MCM10: variants seen among roughly 807,000 people sequenced by gnomAD.
MCM10 encodes the protein protein MCM10 homolog.
MCM10 carries 91 observed loss-of-function variants against 109.9 expected under a neutral mutation model. That is an observed-to-expected ratio of 0.83 (90% CI 0.70 to 0.99). The LOEUF (loss-of-function observed/expected upper bound fraction) is 0.99. Ranked by LOEUF, MCM10 falls within the 50% of genes least tolerant of loss-of-function variation. The pLI is 0.00. For synonymous variants in MCM10, 380 were observed against 387.2 expected (o/e 0.98, Z 0.22); for missense variants, 1,077 against 1,061.2 (o/e 1.01, Z -0.21).
chr10:13,163,177 A>G (rs1050654441), intron 1 of MCM10, among the ~76,000 whole-genome samples: 1 of 152,048 alleles, frequency 6.6e-6, no homozygotes, highest in Non-Finnish European at 1.5e-5. Context: ...TGTCTCTACA[A>G]AAAACACAAA....
chr10:13,186,485 A>G (rs1310155456), intron 9 of MCM10, among the ~76,000 whole-genome samples: 1 of 152,204 alleles, frequency 6.6e-6, no homozygotes, highest in Admixed American at 6.5e-5. Flanking sequence ...TTAACCTCTT[A>G]GGAAAGTGAT....
rs1461502142 is a variant in MCM10, at chr10:13,172,727, C to T, written c.554C>T (p.Thr185Ile). 1 of 1,614,128 alleles carries T rather than the reference C, an allele frequency of 6.2e-7. No individual in the cohort carries two copies. Residue 185 changes from threonine (T) to isoleucine (I), a missense_variant, in exon 5 of 20, where the codon ACC becomes ATC. Thr to Ile is a moderately conservative substitution (Grantham distance 89). Coordinates refer to ENST00000378714, the MANE Select transcript of MCM10 (RefSeq NM_018518.5). The surrounding 1 kb of genome is among the most constrained non-coding windows in gnomAD (Gnocchi z 5.2). ...CTTGATGTCCCTGCGCTACCAAGAA[C>T]CAAGAGGGTGGCTCGAACACCAAAG... ...AELDVPALPR[T>I]KRVARTPKAS...
At chr10:13,180,381 AAGGTGCC>A in intron 6 of MCM10, 54 bp from the exon 7 acceptor site, 1 of 1,474,622 alleles carries the variant, frequency 6.8e-7, no homozygotes, top group Admixed American at 2.2e-5. Flanking sequence ...ACCACCTGCT[AAGGTGCC>A]AGGTAATTTC....
chr10:13,176,362 A>G (rs1372126891), intron 6 of MCM10, among the ~76,000 whole-genome samples: 1 of 152,182 alleles, frequency 6.6e-6, no homozygotes, highest in Admixed American at 6.5e-5. Flanking sequence ...TTAATTATCT[A>G]TACTCTGTAT....
rs530430500 is a variant in MCM10 at position 13,201,419 on chromosome 10, A to C, written c.2239-2A>C. ...GTCTTTCATTATGCCCTGTCATTCCAGGCCGAGGCTGAGATGCAGGAGCGC... is the reference window on the plus strand; with the variant it reads ...GTCTTTCATTATGCCCTGTCATTCCCGGCCGAGGCTGAGATGCAGGAGCGC... On this transcript the variant is annotated splice_acceptor_variant, in intron 16 of 19. Transcript: ENST00000378714. LOFTEE classifies it high-confidence loss of function. 5 of 1,605,820 alleles carry C rather than the reference A, an allele frequency of 3.1e-6. No homozygotes were observed. The East Asian group carries it at 1.1e-4, about 36-fold the overall frequency.
At chr10:13,189,867 C>T (rs555312655) in intron 10 of MCM10, among the ~76,000 whole-genome samples, 9 of 152,232 alleles carry the variant, frequency 5.9e-5, no homozygotes, top group Admixed American at 5.2e-4. Context: ...CAGCCCCTGA[C>T]GCTGTAATCC....
chr10:13,177,508 C>CTTTTTTTT (rs60316855), intron 6 of MCM10, among the ~76,000 whole-genome samples: 58 of 105,198 alleles, frequency 5.5e-4, no homozygotes, highest in Middle Eastern at 5.7e-3. Flanking sequence ...GATTTTGGAG[C>CTTTTTTTT]TTTTTTTTTT....
intron 14 of MCM10, 73 bp downstream of exon 14, chr10:13,195,342 C>G: frequency 7.3e-6 from 8 of 1,089,348 alleles, no homozygotes; most frequent in Non-Finnish European, 1.1e-5. Flanking sequence ...AGACAGACAC[C>G]TAATAGCTCT....
At chr10:13,197,437 T>A (rs921971955) in intron 14 of MCM10, among the ~76,000 whole-genome samples, 186 bp from the exon 15 acceptor site, 4 of 152,242 alleles carry the variant, frequency 2.6e-5, no homozygotes, top group African/African-American at 9.6e-5. Flanking sequence ...CATATAGACC[T>A]GTCTCCCATG....
At chr10:13,168,144 G>T (rs190912708) in intron 2 of MCM10, among the ~76,000 whole-genome samples, 126 of 152,334 alleles carry the variant, frequency 8.3e-4, no homozygotes, top group African/African-American at 2.7e-3. Context: ...CCCGGGGTGT[G>T]CCCTCTTTGG....
At position 13,191,342 on chromosome 10, in the gene MCM10, AG is replaced by A; in HGVS notation, c.1460del (p.Ser487IlefsTer10). The A allele has an allele frequency of 6.2e-7, 1 of 1,614,138 alleles. No homozygotes were observed. The highest frequency in any genetic ancestry group is 1.1e-5 in the South Asian group (1 of 91,080). On this transcript the variant is annotated frameshift_variant, in exon 11 of 20. Coordinates refer to ENST00000378714, the MANE Select transcript of MCM10 (RefSeq NM_018518.5). LOFTEE classifies it high-confidence loss of function. ...TAAGAAGAAGATTCAAACCACTCTGAGTAATCTGGTTGTTAAGGGCACAAAC... is the reference window on the plus strand; with the variant it reads ...TAAGAAGAAGATTCAAACCACTCTGATAATCTGGTTGTTAAGGGCACAAAC... ...APKKKIQTTLSNLVVKGTNLI... is the reference protein window; with the variant it reads ...APKKKIQTTLXNLVVKGTNLI...
At chr10:13,173,680 T>G (rs1588467527) in intron 5 of MCM10, among the ~76,000 whole-genome samples, 1 of 152,236 alleles carries the variant, frequency 6.6e-6, no homozygotes, top group East Asian at 1.9e-4. Flanking sequence ...TACTTCCGCC[T>G]GAGTGTTCAC....
In MCM10 at chr10:13,182,294, T is replaced by C. The variant is rs1834218899; in HGVS notation, c.931-639T>C. Among the ~76,000 whole-genome samples the C allele has an allele frequency of 6.6e-6, 1 of 151,726 alleles. No homozygotes were observed. Among genetic ancestry groups the C allele is most frequent in the Admixed American group, 6.6e-5 (1 of 15,220 alleles). On this transcript the variant is annotated intron_variant, in intron 7 of 19. Coordinates refer to ENST00000378714, the MANE Select transcript of MCM10 (RefSeq NM_018518.5). This position sits in a 1 kb window ranked among gnomAD's most constrained non-coding sequence, Gnocchi z 4.2. ...TTCATGACCAGTCTGGGCAACATAGTGAGACCTCATCTCTATGAAAAGAAA... is the reference window on the plus strand; with the variant it reads ...TTCATGACCAGTCTGGGCAACATAGCGAGACCTCATCTCTATGAAAAGAAA...
rs1397370478 is a variant in MCM10 at position 13,204,520 on chromosome 10, C to T, written c.2498+156C>T. 9.3e-5 allele frequency: 86 copies of T among 922,360 alleles called. 1 individual carries two copies. In the Admixed American group the frequency reaches 2.3e-3, roughly 24 times the overall value. 57.1% of individuals were successfully genotyped at this position (922,360 alleles called of 1,614,324 possible). On this transcript the variant is annotated intron_variant, in intron 18 of 19. Coordinates refer to ENST00000378714, the MANE Select transcript of MCM10 (RefSeq NM_018518.5). ...GGACTCAAGCTGTTAACTGAAATCCCTGGAAGGAAGGGACCCTGCCCTTTC... is the reference window on the plus strand; with the variant it reads ...GGACTCAAGCTGTTAACTGAAATCCTTGGAAGGAAGGGACCCTGCCCTTTC...
chr10:13,168,100 C>T lies in MCM10; in HGVS notation c.8-2822C>T, dbSNP rs185714671. ...GGGGTCCCCAGGCAGCATTTTCCAC[C>T]TGTGGCCCCCAGTGGTGTGAGCCAG... On this transcript the variant is annotated intron_variant, in intron 2 of 19. Coordinates refer to ENST00000378714, the MANE Select transcript of MCM10 (RefSeq NM_018518.5). 4.8e-3 allele frequency among the ~76,000 whole-genome samples: 732 copies of T among 152,310 alleles called. 24 individuals carry two copies. The highest frequency in any genetic ancestry group is 0.044 in the Admixed American group (668 of 15,304).
Position 13,210,543 on chromosome 10 carries a change from T to TAAC in MCM10, c.*1235_*1237dup, listed in dbSNP as rs368891192. 187 of 152,344 alleles carry TAAC rather than the reference T, an allele frequency of 1.2e-3. No homozygotes were observed. Among genetic ancestry groups the TAAC allele is most frequent in the African/African-American group, 4.1e-3 (171 of 41,576 alleles). The allele number at this position is 152,344 out of a possible 1,614,324, so 9.4% of individuals were successfully genotyped here. The stretch of plus-strand genomic sequence containing the variant: ...CTAAGATGTTATTATGTTAGGGACA[T>TAAC]AACACTTTTGGGAGGTTGTTGTGGG... On this transcript the variant is annotated 3_prime_UTR_variant, in exon 20 of 20. Coordinates refer to ENST00000378714, the MANE Select transcript of MCM10 (RefSeq NM_018518.5).
intron 18 of MCM10, 104 bp downstream of exon 18, chr10:13,204,468 C>T (rs1237837836): frequency 1.4e-6 from 2 of 1,393,334 alleles, no homozygotes; most frequent in East Asian, 2.3e-5. Context: ...TCATTCCATG[C>T]CTTCCTATAG....
Position 13,195,245 on chromosome 10 carries a change from G to A in MCM10, c.1950G>A (p.Leu650=). The A allele has an allele frequency of 6.2e-7, 1 of 1,606,012 alleles. No individual in the cohort carries two copies. The highest frequency in any genetic ancestry group is 8.5e-7 in the Non-Finnish European group (1 of 1,175,830). ...AGTCACCACCACCAAGACCAAAACT[G>A]AGTGCTTTAGCAGAAGCCAAAAAGG... ...YDESPPPRPK[L]SALAEAKKLA... Residue 650 remains leucine (L), a synonymous_variant, in exon 14 of 20, where the codon CTG becomes CTA. Coordinates refer to ENST00000378714, the MANE Select transcript of MCM10 (RefSeq NM_018518.5).
intron 18 of MCM10, among the ~76,000 whole-genome samples, chr10:13,208,162 A>C (rs1698914308): frequency 6.6e-6 from 1 of 151,430 alleles, no homozygotes; most frequent in African/African-American, 2.4e-5. Flanking sequence ...GGCAGATGGA[A>C]CACTTGAGCC....
Sources: allele counts gnomAD v4.1 joint callset (sites outside exome capture counted in the v4.1 genomes callset), GRCh38; gene constraint gnomAD v4.1.1; non-coding constraint Gnocchi (gnomAD v3.1); transcripts MANE v1.5; gene names NCBI Gene and HGNC (gene_info 2026-07-23, HGNC 2026-07-21).